ATP8B4: variants seen among roughly 807,000 people sequenced by gnomAD.
The protein encoded by ATP8B4 is probable phospholipid-transporting ATPase IM.
Under a neutral mutation model 145.6 loss-of-function variants are expected in ATP8B4, and 133 were observed. That is an observed-to-expected ratio of 0.91 (90% CI 0.79 to 1.05). The LOEUF (loss-of-function observed/expected upper bound fraction) is 1.05. Ranked by LOEUF, ATP8B4 falls within the 50% of genes least tolerant of loss-of-function variation. ATP8B4 has a pLI of 0.00. For synonymous variants in ATP8B4, 507 were observed against 492.9 expected (o/e 1.03, Z -0.38); for missense variants, 1,458 against 1,425.2 (o/e 1.02, Z -0.37).
At position 49,961,971 on chromosome 15, in the gene ATP8B4, C is replaced by G; in HGVS notation, c.1287+6G>C. On this transcript the variant is annotated splice_donor_region_variant and intron_variant, in intron 14 of 27. Coordinates refer to ENST00000284509, the MANE Select transcript of ATP8B4 (RefSeq NM_024837.4). Reference sequence around the variant, plus strand: ...AACTAAGAATAAAATTTTATCACTTCCACACCTGAGTTATTTCTGTCTTCT... The same window carrying G: ...AACTAAGAATAAAATTTTATCACTTGCACACCTGAGTTATTTCTGTCTTCT... The G allele has an allele frequency of 6.3e-7, 1 of 1,590,298 alleles. No homozygotes were observed. Among genetic ancestry groups the G allele is most frequent in the Non-Finnish European group, 8.5e-7 (1 of 1,170,880 alleles).
At chr15:50,097,500 G>C (rs2056065146) in intron 2 of ATP8B4, among the ~76,000 whole-genome samples, 1 of 152,166 alleles carries the variant, frequency 6.6e-6, no homozygotes, top group South Asian at 2.1e-4. Context: ...AACATTTATT[G>C]TAAGAGAAGT....
intron 25 of ATP8B4, among the ~76,000 whole-genome samples, chr15:49,872,334 A>T (rs1341996370): frequency 6.6e-6 from 1 of 152,112 alleles, no homozygotes; most frequent in Non-Finnish European, 1.5e-5. Context: ...CTACAGTTTT[A>T]ACATATAACC....
chr15:49,921,536 T>G (rs2040258341), intron 17 of ATP8B4, among the ~76,000 whole-genome samples: 1 of 152,204 alleles, frequency 6.6e-6, no homozygotes, highest in Non-Finnish European at 1.5e-5. Flanking sequence ...CCCATTCCGC[T>G]TGTGCTTCCA....
intron 3 of ATP8B4, among the ~76,000 whole-genome samples, chr15:50,054,810 CA>C (rs1393999490): frequency 0.028 from 2,129 of 75,158 alleles, 18 homozygotes; most frequent in Non-Finnish European, 0.041. Context: ...AAAAAAAAAA[CA>C]AAAAAAAAAA....
At chr15:50,047,099 G>A (rs546595521) in intron 4 of ATP8B4, among the ~76,000 whole-genome samples, 36 of 152,304 alleles carry the variant, frequency 2.4e-4, no homozygotes, top group Middle Eastern at 3.4e-3. Flanking sequence ...TTAGGCTCTG[G>A]TTTGGTTCAA....
intron 24 of ATP8B4, 108 bp downstream of exon 24, chr15:49,879,268 C>T (rs1271679899): frequency 1.0e-6 from 1 of 988,698 alleles, no homozygotes; most frequent in African/African-American, 1.7e-5. Context: ...ACTAAAACAA[C>T]TGCATTCCTA....
chr15:50,069,066 A>G (rs1266341725), intron 3 of ATP8B4, among the ~76,000 whole-genome samples: 2 of 152,148 alleles, frequency 1.3e-5, no homozygotes, highest in Non-Finnish European at 2.9e-5. Flanking sequence ...TTCTACTTCT[A>G]TTATTCATTC....
chr15:49,907,307 CT>C (rs2038728513), intron 20 of ATP8B4, among the ~76,000 whole-genome samples: 1 of 152,220 alleles, frequency 6.6e-6, no homozygotes, highest in Admixed American at 6.5e-5. Context: ...AGTTTCTATT[CT>C]TGCATGCCTG....
chr15:50,053,438 T>C (rs925194048), intron 3 of ATP8B4, among the ~76,000 whole-genome samples: 2 of 152,240 alleles, frequency 1.3e-5, no homozygotes, highest in East Asian at 1.9e-4. Context: ...TCTTCCAGTC[T>C]GCATTTCAAG....
At chr15:49,983,762 C>T (rs564476626) in intron 10 of ATP8B4, among the ~76,000 whole-genome samples, 2 of 152,314 alleles carry the variant, frequency 1.3e-5, no homozygotes, top group East Asian at 3.9e-4. Context: ...CAAGGTCTAC[C>T]AGCATGGTCT....
intron 9 of ATP8B4, among the ~76,000 whole-genome samples, chr15:49,990,162 A>G (rs569162323): frequency 2.6e-5 from 4 of 152,144 alleles, no homozygotes; most frequent in Non-Finnish European, 4.4e-5. Context: ...AAAAGGTGAG[A>G]GCATTAAAGT....
chr15:49,903,822 A>AGGCGGAGGTTGCAGTGAGCC lies in ATP8B4; in HGVS notation c.2142-2603_2142-2584dup, dbSNP rs578073933. Among the ~76,000 whole-genome samples the AGGCGGAGGTTGCAGTGAGCC allele has an allele frequency of 9.2e-5, 14 of 151,972 alleles. No homozygotes were observed. The East Asian group carries it at 2.5e-3, about 27-fold the overall frequency. ...GGCAGGAGAATCACTTGAACCTGGG[A>AGGCGGAGGTTGCAGTGAGCC]GGCGGAGGTTGCAGTGAGCCAAGAT... On this transcript the variant is annotated intron_variant, in intron 20 of 27. Coordinates refer to ENST00000284509, the MANE Select transcript of ATP8B4 (RefSeq NM_024837.4).
chr15:49,937,207 C>A (rs1002498517), intron 14 of ATP8B4, among the ~76,000 whole-genome samples: 2 of 152,100 alleles, frequency 1.3e-5, no homozygotes. Flanking sequence ...CAAGACTGAG[C>A]GAACTCTACA....
In ATP8B4 at chr15:50,174,009, C is replaced by T. The variant is rs531027365; in HGVS notation, c.-43+8252G>A. Among the ~76,000 whole-genome samples, 12 of 152,266 alleles carry T rather than the reference C, an allele frequency of 7.9e-5. No individual in the cohort carries two copies. The East Asian group carries it at 2.3e-3, about 29-fold the overall frequency. On this transcript the variant is annotated intron_variant, in intron 1 of 3. Transcript: ENST00000558829. ...TTCACGTACTCAAGCCAATAAATGTCACACATGACATAAACAGAATTAAAA... is the reference window on the plus strand; with the variant it reads ...TTCACGTACTCAAGCCAATAAATGTTACACATGACATAAACAGAATTAAAA...
chr15:50,084,783 C>T (rs1383977664), intron 2 of ATP8B4, among the ~76,000 whole-genome samples: 1 of 152,098 alleles, frequency 6.6e-6, no homozygotes, highest in African/African-American at 2.4e-5. Flanking sequence ...GCTCATGGCC[C>T]ACAGCAGTCC....
chr15:50,122,069 G>A (rs755267389), upstream of ATP8B4, among the ~76,000 whole-genome samples: 4 of 151,974 alleles, frequency 2.6e-5, no homozygotes, highest in African/African-American at 9.7e-5. Flanking sequence ...AATATACAAC[G>A]GAATAAATAG....
At chr15:50,170,895 A>G (rs942399195) in intron 1 of ATP8B4, among the ~76,000 whole-genome samples, 42 of 152,220 alleles carry the variant, frequency 2.8e-4, no homozygotes, top group Admixed American at 2.7e-3. Context: ...ACAAAAAGTG[A>G]GCAGGTGTAG....
chr15:50,050,463 C>T (rs901754277), intron 3 of ATP8B4, among the ~76,000 whole-genome samples: 3 of 151,976 alleles, frequency 2.0e-5, no homozygotes, highest in Admixed American at 1.3e-4. Context: ...TTTATGTATA[C>T]ATCTTTCATA....
intron 9 of ATP8B4, among the ~76,000 whole-genome samples, chr15:49,994,728 C>T (rs2047290723): frequency 6.6e-6 from 1 of 151,920 alleles, no homozygotes; most frequent in African/African-American, 2.4e-5. Context: ...GTAAGAAATC[C>T]ACCTAATCCA....
Sources: allele counts gnomAD v4.1 joint callset (sites outside exome capture counted in the v4.1 genomes callset), GRCh38; gene constraint gnomAD v4.1.1; transcripts MANE v1.5; gene names NCBI Gene and HGNC (gene_info 2026-07-23, HGNC 2026-07-21).